The following SPMIP4 variants were observed in gnomAD, a reference collection of about 807,000 sequenced individuals.
The protein encoded by SPMIP4 is sperm-associated microtubule inner protein 4.
At chr7:25,133,339 TAGC>T in the SPMIP4 span, among the ~76,000 whole-genome samples, 2 of 152,196 alleles carry the variant, frequency 1.3e-5, no homozygotes, top group African/African-American at 4.8e-5. Flanking sequence ...CACTTAGAAT[TAGC>T]ACAGTTTTGT....
the SPMIP4 span, chr7:25,151,689 AAATTTC>A: frequency 7.8e-6 from 12 of 1,537,684 alleles, no homozygotes; most frequent in South Asian, 1.1e-5. Context: ...GATTACCTGA[AAATTTC>A]AGGAAAAGCA....
the SPMIP4 span, among the ~76,000 whole-genome samples, chr7:25,157,946 A>G: frequency 6.6e-6 from 1 of 152,242 alleles, no homozygotes; most frequent in African/African-American, 2.4e-5. Context: ...ATCTTCTAAT[A>G]ATTCTATAAA....
At chr7:25,141,147 A>G in the SPMIP4 span, among the ~76,000 whole-genome samples, 1 of 152,354 alleles carries the variant, frequency 6.6e-6, no homozygotes, top group South Asian at 2.1e-4. Flanking sequence ...CGCATAATCA[A>G]TTTAAAAGTC....
chr7:25,136,188 A>G, the SPMIP4 span: 1 of 1,614,166 alleles, frequency 6.2e-7, no homozygotes, highest in Non-Finnish European at 8.5e-7. The surrounding 1 kb of genome is among the most constrained non-coding windows in gnomAD (Gnocchi z 5.7). Context: ...TTGTTTCTTC[A>G]TTGTTTTCCA....
chr7:25,134,825 G>A, the SPMIP4 span: 1 of 985,206 alleles, frequency 1.0e-6, no homozygotes, highest in Non-Finnish European at 1.2e-6. Flanking sequence ...ACATATTAAA[G>A]GCTATAGAGA....
chr7:25,158,107 G>A, the SPMIP4 span, among the ~76,000 whole-genome samples: 7 of 152,116 alleles, frequency 4.6e-5, no homozygotes, highest in Admixed American at 1.3e-4. Context: ...TGTGGCTCAC[G>A]CCTGTGATCC....
the SPMIP4 span, among the ~76,000 whole-genome samples, chr7:25,160,098 G>A: frequency 6.6e-6 from 1 of 151,932 alleles, no homozygotes; most frequent in African/African-American, 2.4e-5. Context: ...ACCTAAATCA[G>A]CCCATTAATT....
At chr7:25,159,731 A>T in the SPMIP4 span, among the ~76,000 whole-genome samples, 1 of 152,182 alleles carries the variant, frequency 6.6e-6, no homozygotes, top group Non-Finnish European at 1.5e-5. Context: ...TTTCAACTCT[A>T]AATCTGTGGG....
At chr7:25,141,840 C>T in the SPMIP4 span, among the ~76,000 whole-genome samples, 2 of 152,164 alleles carry the variant, frequency 1.3e-5, no homozygotes, top group African/African-American at 2.4e-5. Flanking sequence ...TGGGTTCGAG[C>T]GATTCTTCTG....
At chr7:25,143,742 C>CCA in the SPMIP4 span, among the ~76,000 whole-genome samples, 2 of 151,988 alleles carry the variant, frequency 1.3e-5, no homozygotes, top group Admixed American at 1.3e-4. Flanking sequence ...CAGGCCTGTA[C>CCA]CACCACTCCT....
chr7:25,162,248 G>A, the SPMIP4 span, among the ~76,000 whole-genome samples: 1 of 144,154 alleles, frequency 6.9e-6, no homozygotes, highest in African/African-American at 2.6e-5. Context: ...TCCAGCCTGG[G>A]CAACAGAGTG....
chr7:25,168,466 C>G, the SPMIP4 span: 2 of 1,570,712 alleles, frequency 1.3e-6, no homozygotes, highest in Non-Finnish European at 1.7e-6. Flanking sequence ...TTCCTGATAC[C>G]TGTGAAAAAA....
At chr7:25,135,890 G>A in the SPMIP4 span, 1 of 1,487,670 alleles carries the variant, frequency 6.7e-7, no homozygotes, top group Non-Finnish European at 8.9e-7. Flanking sequence ...CTAGAAAACA[G>A]AATCCAGCAA....
At chr7:25,143,104 G>A in the SPMIP4 span, among the ~76,000 whole-genome samples, 2 of 152,274 alleles carry the variant, frequency 1.3e-5, no homozygotes, top group African/African-American at 4.8e-5. Flanking sequence ...TCTACCTCCA[G>A]TGAAATTTTA....
chr7:25,134,613 T>C, the SPMIP4 span: 1 of 927,772 alleles, frequency 1.1e-6, no homozygotes. Context: ...TTCTAACTAA[T>C]TTCCATGCAA....
At chr7:25,128,030 G>A in the SPMIP4 span, among the ~76,000 whole-genome samples, 2 of 152,224 alleles carry the variant, frequency 1.3e-5, no homozygotes, top group South Asian at 2.1e-4. The surrounding 1 kb of genome is among the most constrained non-coding windows in gnomAD (Gnocchi z 4.5). Flanking sequence ...CAGAGACTCT[G>A]TTCTCTTATC....
chr7:25,148,885 T>C, the SPMIP4 span, among the ~76,000 whole-genome samples: 27 of 152,302 alleles, frequency 1.8e-4, no homozygotes, highest in East Asian at 5.2e-3. Context: ...CAAACCAAAA[T>C]AGGTTCAGAG....
the SPMIP4 span, among the ~76,000 whole-genome samples, chr7:25,157,919 T>C: frequency 2.0e-5 from 3 of 152,200 alleles, no homozygotes; most frequent in South Asian, 6.2e-4. Flanking sequence ...GTGATGTATA[T>C]GGGAACTCTC....
the SPMIP4 span, among the ~76,000 whole-genome samples, chr7:25,161,642 A>G: frequency 7.2e-6 from 1 of 139,790 alleles, no homozygotes; most frequent in African/African-American, 2.7e-5. Flanking sequence ...TTTTTGGTAG[A>G]GACAGTCTTG....
Sources: gnomAD v4.1 joint callset for allele counts (sites outside exome capture counted in the v4.1 genomes callset) on GRCh38, gnomAD v4.1.1 for gene constraint, Gnocchi (gnomAD v3.1) non-coding constraint, MANE v1.5 for transcripts, NCBI Gene and HGNC (gene_info 2026-07-23, HGNC 2026-07-21) for gene names.